SH2D3C: variants seen among roughly 807,000 people sequenced by gnomAD.
SH2D3C encodes SH2 domain-containing protein 3C.
A neutral mutation model predicts 75.2 loss-of-function variants in SH2D3C; 25 were observed. The observed-to-expected ratio is 0.33, with a 90% confidence interval of 0.24 to 0.46. SH2D3C has a LOEUF of 0.46. SH2D3C is among the 20% of genes least tolerant of loss of function. The pLI is 1.00. For synonymous variants in SH2D3C, 450 were observed against 473.7 expected (o/e 0.95, Z 0.65); for missense variants, 933 against 1,165.3 (o/e 0.80, Z 2.90).
chr9:127,755,153 C>G, intron 3 of SH2D3C: 3 of 1,217,986 alleles, frequency 2.5e-6, no homozygotes, highest in Non-Finnish European at 3.1e-6. Flanking sequence ...CTGCACCGCT[C>G]GGTCATGGTG....
chr9:127,765,315 AT>A (rs1845613162), intron 2 of SH2D3C, among the ~76,000 whole-genome samples: 1 of 152,118 alleles, frequency 6.6e-6, no homozygotes, highest in Admixed American at 6.5e-5. Flanking sequence ...CTTAGCACGC[AT>A]TTCCTCTCAT....
At chr9:127,766,522 G>C (rs1051612514) in intron 2 of SH2D3C, among the ~76,000 whole-genome samples, 1 of 152,210 alleles carries the variant, frequency 6.6e-6, no homozygotes, top group Non-Finnish European at 1.5e-5. Flanking sequence ...CTCCCACCAT[G>C]CCCCTCCTGG....
In SH2D3C at chr9:127,774,676, T is replaced by G. The variant is rs74412336; in HGVS notation, c.38-209A>C. Among the ~76,000 whole-genome samples the G allele has an allele frequency of 7.7e-3, 1,176 of 152,296 alleles. 15 individuals carry two copies. Among genetic ancestry groups the G allele is most frequent in the African/African-American group, 0.027 (1,119 of 41,566 alleles). ...GGGCCCTGGACTTGAATTCCTGCTC[T>G]TTCACATCCTAGCTGTGTGACCTTA... On this transcript the variant is annotated intron_variant, in intron 1 of 11. Coordinates refer to ENST00000314830, the MANE Select transcript of SH2D3C (RefSeq NM_170600.3). The surrounding 1 kb of genome is among the most constrained non-coding windows in gnomAD (Gnocchi z 4.3).
Position 127,751,031 on chromosome 9 carries a change from T to C in SH2D3C, c.684+141A>G, listed in dbSNP as rs1237929738. On this transcript the variant is annotated intron_variant, in intron 4 of 11. Transcript: ENST00000314830. The surrounding 1 kb of genome is among the most constrained non-coding windows in gnomAD (Gnocchi z 4.1). ...TCACACAGTCAGTAAAGGGCAGAGC[T>C]AGACCTCATCCCAGTCCATTCTGAT... is the stretch of plus-strand genomic sequence containing the variant. 1.2e-5 allele frequency: 9 copies of C among 769,236 alleles called. No individual in the cohort carries two copies. The highest frequency in any genetic ancestry group is 7.6e-5 in the Admixed American group (3 of 39,426). 47.7% of individuals were successfully genotyped at this position (769,236 alleles called of 1,614,324 possible).
chr9:127,770,498 G>A (rs1185321347), intron 2 of SH2D3C, among the ~76,000 whole-genome samples: 2 of 152,156 alleles, frequency 1.3e-5, no homozygotes, highest in African/African-American at 4.8e-5. Context: ...GAGATCTCAT[G>A]GGCCAGGCTG....
In SH2D3C at chr9:127,738,816, T is replaced by G. The variant is rs1564407257; in HGVS notation, c.2513A>C (p.Glu838Ala). 1.9e-6 allele frequency: 3 copies of G among 1,607,966 alleles called. No individual in the cohort carries two copies. Among genetic ancestry groups the G allele is most frequent in the Non-Finnish European group, 2.5e-6 (3 of 1,177,556 alleles). ...GGCAGTGAGGACCTTGTCGAACTTC[T>G]CATAGCGCCGGGCCTGGCTGCTGCT... ...GASSSQARRY[E>A]KFDKVLTALS... The change falls in exon 12 of 12, where the codon GAG becomes GCG. Residue 838 changes from glutamate (E) to alanine (A), a missense_variant. Transcript: ENST00000314830. This position sits in a 1 kb window ranked among gnomAD's most constrained non-coding sequence, Gnocchi z 5.0.
At chr9:127,759,214 C>A (rs1564420681) in intron 3 of SH2D3C, among the ~76,000 whole-genome samples, 2 of 151,416 alleles carry the variant, frequency 1.3e-5, no homozygotes, top group East Asian at 3.9e-4. Flanking sequence ...CTACATCATG[C>A]TTTTTTTTTA....
In SH2D3C at chr9:127,741,965, A is replaced by G; in HGVS notation, c.1917-6T>C. On this transcript the variant is annotated splice_polypyrimidine_tract_variant and splice_region_variant and intron_variant, in intron 8 of 11. Transcript: ENST00000314830. The stretch of plus-strand genomic sequence containing the variant: ...TGATGGACATGGTGTGGAACCTGTC[A>G]GAGCGGCGGGGTCAGAGGCGGCGGG... The G allele has an allele frequency of 1.2e-6, 2 of 1,605,296 alleles. No individual in the cohort carries two copies. Among genetic ancestry groups the G allele is most frequent in the African/African-American group, 1.3e-5 (1 of 74,944 alleles).
At chr9:127,769,670 A>G (rs139460869) in intron 2 of SH2D3C, among the ~76,000 whole-genome samples, 1 of 151,948 alleles carries the variant, frequency 6.6e-6, no homozygotes, top group Non-Finnish European at 1.5e-5. Flanking sequence ...AAAAAAAAAA[A>G]AAAGAAATAA....
chr9:127,763,795 G>A (rs547176508), intron 2 of SH2D3C, among the ~76,000 whole-genome samples: 1 of 152,276 alleles, frequency 6.6e-6, no homozygotes, highest in Non-Finnish European at 1.5e-5. Context: ...TCCTTAAGAC[G>A]TTGTCTGATA....
rs1160311605 is a variant in SH2D3C, at chr9:127,774,412, A to G, written c.93T>C (p.Thr31=). 1.9e-6 allele frequency: 3 copies of G among 1,613,528 alleles called. No individual in the cohort carries two copies. Among genetic ancestry groups the G allele is most frequent in the Non-Finnish European group, 2.5e-6 (3 of 1,179,574 alleles). ...TGATGGAAGCTGAGGATCGTCTCAG[A>G]GTGAAGGACCGAGGGAGGTTGGAGA... The part of the protein sequence containing the change: ...GSLSNLPRSF[T]LRRSSASISR... The change falls in exon 2 of 12, where the codon ACT becomes ACC. Residue 31 remains threonine (T), a synonymous_variant. Transcript: ENST00000314830. The surrounding 1 kb of genome is among the most constrained non-coding windows in gnomAD (Gnocchi z 4.3).
chr9:127,767,328 C>T (rs1003086262), intron 2 of SH2D3C: 13 of 1,429,126 alleles, frequency 9.1e-6, no homozygotes, highest in Admixed American at 2.9e-5. Flanking sequence ...GATGAGGGAA[C>T]GCCTGGATCT....
chr9:127,748,019 G>T (rs554340731), intron 5 of SH2D3C, among the ~76,000 whole-genome samples: 3 of 152,290 alleles, frequency 2.0e-5, no homozygotes, highest in African/African-American at 7.2e-5. Context: ...GGATGGGAAA[G>T]GGGGTATAGG....
Position 127,751,076 on chromosome 9 carries a change from G to T in SH2D3C, c.684+96C>A, listed in dbSNP as rs568573067. On this transcript the variant is annotated intron_variant, in intron 4 of 11. Coordinates refer to ENST00000314830, the MANE Select transcript of SH2D3C (RefSeq NM_170600.3). This position sits in a 1 kb window ranked among gnomAD's most constrained non-coding sequence, Gnocchi z 4.1. ...TCTGATTGAATCCACCAAGCAACAG[G>T]TCAGAGCCTCCCAGGTGGCTGCAGC... 136 of 1,237,994 alleles carry T rather than the reference G, an allele frequency of 1.1e-4. 2 individuals are homozygous for T. The South Asian group carries it at 1.5e-3, about 14-fold the overall frequency. The allele number at this position is 1,237,994 out of a possible 1,614,324, so 76.7% of individuals were successfully genotyped here. A position where few individuals can be genotyped will look rare whatever the true frequency, so the allele number is the denominator to read the frequency against.
rs978169132 is a variant in SH2D3C at position 127,754,741 on chromosome 9, G to T, written c.556-3441C>A. On this transcript the variant is annotated intron_variant, in intron 3 of 11. Transcript: ENST00000314830. This position sits in a 1 kb window ranked among gnomAD's most constrained non-coding sequence, Gnocchi z 4.4. ...GCCCAGGTCAGCCGCAAGGGCCAGC[G>T]TACCAGGCGGAGGACCGGCAGGACG... is the stretch of plus-strand genomic sequence containing the variant. 4.4e-6 allele frequency: 2 copies of T among 455,610 alleles called. No individual in the cohort carries two copies. Among genetic ancestry groups the T allele is most frequent in the East Asian group, 1.4e-4 (2 of 13,812 alleles). The allele number at this position is 455,610 out of a possible 1,614,324, so 28.2% of individuals were successfully genotyped here.
chr9:127,757,711 C>T (rs1014629594), intron 3 of SH2D3C, among the ~76,000 whole-genome samples: 2 of 150,410 alleles, frequency 1.3e-5, no homozygotes, highest in East Asian at 1.9e-4. Context: ...TGGAGTGCAG[C>T]GGCAAGATCT....
Position 127,766,904 on chromosome 9 carries a change from C to A in SH2D3C, c.516-5254G>T, listed in dbSNP as rs1301658438. On this transcript the variant is annotated intron_variant, in intron 2 of 11. Transcript: ENST00000314830. ...CTTCACGCCCATCTTCACTCACCCA[C>A]CGCAGAGAAGCAACGGGCACCTGCC... 3 of 1,526,816 alleles carry A rather than the reference C, an allele frequency of 2.0e-6. No individual in the cohort carries two copies. In the Admixed American group the frequency reaches 5.9e-5, roughly 30 times the overall value. The allele number at this position is 1,526,816 out of a possible 1,614,324, so 94.6% of individuals were successfully genotyped here. A position where few individuals can be genotyped will look rare whatever the true frequency, so the allele number is the denominator to read the frequency against.
At chr9:127,759,625 G>A (rs892902114) in intron 3 of SH2D3C, among the ~76,000 whole-genome samples, 3 of 151,912 alleles carry the variant, frequency 2.0e-5, no homozygotes, top group African/African-American at 7.3e-5. Context: ...GAGGCAGGAG[G>A]ATCACTTGAG....
Position 127,741,808 on chromosome 9 carries a change from C to T in SH2D3C, c.2068G>A (p.Gly690Ser), listed in dbSNP as rs763864739. ...GNMFSFAAVM[G>S]ALDMAQISRL... ...AGTACCTGGGCCATGTCCAGGGCAC[C>T]CATGACCGCCGCGAAGCTGAACATG... The change falls in exon 9 of 12, where the codon GGT (glycine) becomes AGT (serine). Residue 690 changes from glycine (G) to serine (S), a missense_variant. Transcript: ENST00000314830. 4.3e-6 allele frequency: 7 copies of T among 1,613,202 alleles called. No homozygotes were observed. Among genetic ancestry groups the T allele is most frequent in the South Asian group, 1.1e-5 (1 of 91,060 alleles).
Sources: allele counts gnomAD v4.1 joint callset (sites outside exome capture counted in the v4.1 genomes callset), GRCh38; gene constraint gnomAD v4.1.1; non-coding constraint Gnocchi (gnomAD v3.1); transcripts MANE v1.5; gene names NCBI Gene and HGNC (gene_info 2026-07-23, HGNC 2026-07-21).